Variants in FRMPD4 observed in about 807,000 individuals in gnomAD.
The protein encoded by FRMPD4 is FERM and PDZ domain containing 4, also known as FERM and PDZ domain-containing protein 4.
A neutral mutation model predicts 94.1 loss-of-function variants in FRMPD4; 22 were observed. That is an observed-to-expected ratio of 0.23 (90% CI 0.17 to 0.33). FRMPD4 has a LOEUF of 0.33. FRMPD4 is among the 10% of genes least tolerant of loss of function. The pLI is 1.00. For synonymous variants in FRMPD4, 631 were observed against 548.6 expected (o/e 1.15, Z -2.10); for missense variants, 1,111 against 1,339.9 (o/e 0.83, Z 2.67).
At chrX:11,929,387 G>A (rs1049503786) in intron 3 of FRMPD4, among the ~76,000 whole-genome samples, 2 of 112,442 alleles carry the variant, frequency 1.8e-5, no homozygotes, top group African/African-American at 6.5e-5. Context: ...CCTGTTCTCA[G>A]TGTTGACTTC....
chrX:11,869,396 T>C (rs1230438183), intron 2 of FRMPD4, among the ~76,000 whole-genome samples: 3 of 111,850 alleles, frequency 2.7e-5, no homozygotes, highest in South Asian at 7.5e-4. Flanking sequence ...TTACAATCTA[T>C]AATGCTTTAA....
At chrX:12,115,620 A>G (rs1293674697) in intron 3 of FRMPD4, among the ~76,000 whole-genome samples, 1 of 74,250 alleles carries the variant, frequency 1.3e-5, no homozygotes, top group Non-Finnish European at 2.7e-5. Flanking sequence ...AGTATCCCCC[A>G]ATGCTGGCCT....
chrX:12,452,051 A>G (rs1056767881), intron 1 of FRMPD4, among the ~76,000 whole-genome samples: 2 of 110,128 alleles, frequency 1.8e-5, no homozygotes, highest in Non-Finnish European at 1.9e-5. Context: ...TCCTTTGCTG[A>G]CTCGTTTTTC....
intron 3 of FRMPD4, among the ~76,000 whole-genome samples, chrX:12,103,991 G>A (rs1325846853): frequency 8.9e-6 from 1 of 112,004 alleles, no homozygotes; most frequent in African/African-American, 3.2e-5. Context: ...GAACTGGGAA[G>A]TCCAAGAGCA....
chrX:12,403,913 A>C (rs930908821), intron 1 of FRMPD4, among the ~76,000 whole-genome samples: 1 of 111,839 alleles, frequency 8.9e-6, no homozygotes, highest in African/African-American at 3.2e-5. Flanking sequence ...TGACTCAGAT[A>C]GTGTGTACCA....
chrX:11,877,707 A>C (rs1016681040), intron 2 of FRMPD4, among the ~76,000 whole-genome samples: 3 of 112,188 alleles, frequency 2.7e-5, no homozygotes, highest in African/African-American at 9.7e-5. Context: ...GCATCCTCAA[A>C]TCTCTTGGAG....
intron 1 of FRMPD4, among the ~76,000 whole-genome samples, chrX:12,358,433 T>C (rs956782977): frequency 1.3e-4 from 15 of 111,317 alleles, no homozygotes; most frequent in African/African-American, 4.9e-4. Context: ...GTATATCTAT[T>C]TGGTGATAGA....
chrX:12,613,623 A>G (rs1347754462), intron 3 of FRMPD4, among the ~76,000 whole-genome samples: 2 of 111,462 alleles, frequency 1.8e-5, no homozygotes, highest in Non-Finnish European at 3.8e-5. Flanking sequence ...AGGTGGGAGG[A>G]TTGCTTGAGC....
At chrX:12,407,134 C>G (rs937028940) in intron 1 of FRMPD4, among the ~76,000 whole-genome samples, 6 of 111,445 alleles carry the variant, frequency 5.4e-5, no homozygotes, top group African/African-American at 3.3e-5. Flanking sequence ...CTGAGCCCAC[C>G]TGTATACTCT....
At chrX:12,330,908 G>A (rs966487009) in intron 1 of FRMPD4, among the ~76,000 whole-genome samples, 3 of 111,828 alleles carry the variant, frequency 2.7e-5, no homozygotes, top group African/African-American at 6.5e-5. Flanking sequence ...AGGAGCTCAT[G>A]GCTAGGAGCA....
At chrX:12,043,124 G>A (rs970021520) in intron 3 of FRMPD4, among the ~76,000 whole-genome samples, 1 of 111,591 alleles carries the variant, frequency 9.0e-6, no homozygotes, top group Non-Finnish European at 1.9e-5. Context: ...TTGGAGCTCT[G>A]AAATGGTTGT....
chrX:12,221,939 A>T (rs1390985911), intron 1 of FRMPD4, among the ~76,000 whole-genome samples: 1 of 112,332 alleles, frequency 8.9e-6, no homozygotes, highest in Non-Finnish European at 1.9e-5. Flanking sequence ...TTATAATGTA[A>T]AGTTTAGCTC....
intron 1 of FRMPD4, among the ~76,000 whole-genome samples, chrX:12,433,941 G>A (rs938416442): frequency 7.2e-5 from 8 of 111,552 alleles, no homozygotes; most frequent in African/African-American, 2.0e-4. Context: ...GGGTCTTCCC[G>A]GTCAGTAAAA....
At chrX:12,587,803 T>C (rs2058946354) in intron 2 of FRMPD4, among the ~76,000 whole-genome samples, 1 of 111,420 alleles carries the variant, frequency 9.0e-6, no homozygotes, top group South Asian at 3.8e-4. Flanking sequence ...TTAAATTCTT[T>C]TGGGTATATA....
intron 3 of FRMPD4, among the ~76,000 whole-genome samples, chrX:12,094,928 A>T (rs948670062): frequency 3.8e-4 from 42 of 111,602 alleles, no homozygotes; most frequent in African/African-American, 1.2e-3. Flanking sequence ...TCATATATGT[A>T]TTTTACCCAA....
chrX:12,078,700 A>C (rs2055039298), intron 3 of FRMPD4, among the ~76,000 whole-genome samples: 2 of 112,116 alleles, frequency 1.8e-5, no homozygotes, highest in Admixed American at 1.9e-4. Flanking sequence ...TCTCAACCTC[A>C]ACATTATTGA....
At chrX:11,979,908 T>C (rs997604866) in intron 3 of FRMPD4, among the ~76,000 whole-genome samples, 2 of 111,962 alleles carry the variant, frequency 1.8e-5, no homozygotes, top group Admixed American at 1.9e-4. Flanking sequence ...ATGTTTTATA[T>C]CTTATTTAAG....
At position 12,018,676 on chromosome X, in the gene FRMPD4, C is replaced by A. The variant is rs373285616; in HGVS notation, c.95+140658C>A. ...AGGTGATCTGCCCGCCTTGGCCTCCCAAAGTGCTAGGATTACAGGTGTGAG... is the reference window on the plus strand; with the variant it reads ...AGGTGATCTGCCCGCCTTGGCCTCCAAAAGTGCTAGGATTACAGGTGTGAG... On this transcript the variant is annotated intron_variant, in intron 3 of 18. Transcript: ENST00000640291. Among the ~76,000 whole-genome samples, 18 of 111,413 alleles carry A rather than the reference C, an allele frequency of 1.6e-4. No individual in the cohort carries two copies. The South Asian group carries it at 7.0e-3, about 43-fold the overall frequency.
chrX:12,149,276 G>T (rs2055815909), intron 1 of FRMPD4: 1 of 112,280 alleles, frequency 8.9e-6, no homozygotes, highest in South Asian at 3.7e-4. Context: ...AGCTGCTATA[G>T]AGAGTGATTC....
Sources: allele counts gnomAD v4.1 joint callset (sites outside exome capture counted in the v4.1 genomes callset), GRCh38; gene constraint gnomAD v4.1.1; transcripts MANE v1.5; gene names NCBI Gene and HGNC (gene_info 2026-07-23, HGNC 2026-07-21).